The following DDX54 variants were observed in gnomAD, a reference collection of about 807,000 sequenced individuals.
The protein encoded by DDX54 is DEAD-box helicase 54.
In DDX54, 67 loss-of-function variants were observed where a neutral mutation model predicts 105.5. The observed-to-expected ratio is 0.64, with a 90% CI of 0.52 to 0.78. The LOEUF (loss-of-function observed/expected upper bound fraction) is 0.78. Among genes scored for constraint, DDX54 ranks in the 30% least tolerant of loss-of-function variants. The pLI, the probability that DDX54 is intolerant of heterozygous loss-of-function variation, is 0.00. For synonymous variants in DDX54, 514 were observed against 509.9 expected, an observed-to-expected ratio of 1.01 and a Z score of -0.11; for missense variants, 1,206 against 1,230.5, an observed-to-expected ratio of 0.98 and a Z score of 0.30.
At chr12:113,170,982 T>C (rs1453994314) in intron 11 of DDX54, among the ~76,000 whole-genome samples, 7 of 152,256 alleles carry the variant, frequency 4.6e-5, no homozygotes, top group African/African-American at 1.7e-4. Context: ...TATATTTTGG[T>C]TTGTCTCTGT....
intron 19 of DDX54, among the ~76,000 whole-genome samples, chr12:113,160,940 C>CA (rs1952196237): frequency 6.6e-6 from 1 of 152,182 alleles, no homozygotes; most frequent in African/African-American, 2.4e-5. Context: ...ATTAGGTGAA[C>CA]AGGGCATCTA....
chr12:113,160,306 T>C (rs989859352), intron 19 of DDX54, among the ~76,000 whole-genome samples: 1 of 151,958 alleles, frequency 6.6e-6, no homozygotes, highest in African/African-American at 2.4e-5. Flanking sequence ...GCTAAGGCCA[T>C]CTGAGAGAGA....
At chr12:113,177,323 G>T in intron 5 of DDX54, 1 of 533,408 alleles carries the variant, frequency 1.9e-6, no homozygotes, top group Non-Finnish European at 3.3e-6. Flanking sequence ...TGAAGAGATG[G>T]GCTCAACTAC....
chr12:113,181,183 G>T, intron 1 of DDX54, 125 bp from the exon 2 acceptor site: 2 of 1,227,052 alleles, frequency 1.6e-6, no homozygotes, highest in Non-Finnish European at 2.2e-6. Flanking sequence ...GCCAGATCAC[G>T]TCACTTTTTT....
chr12:113,172,670 A>G, intron 10 of DDX54, 107 bp from the exon 11 acceptor site: 1 of 1,382,400 alleles, frequency 7.2e-7, no homozygotes, highest in Non-Finnish European at 9.9e-7. Context: ...AGACAAGACC[A>G]CGGGTTCTGG....
intron 2 of DDX54, among the ~76,000 whole-genome samples, chr12:113,180,344 A>G (rs143423670): frequency 6.6e-6 from 1 of 152,048 alleles, no homozygotes; most frequent in Non-Finnish European, 1.5e-5. Context: ...GGACACAATG[A>G]GGATGTCTGG....
rs764081681 is a variant in DDX54, at chr12:113,172,358, C to T, written c.1274G>A (p.Arg425His). Residue 425 changes from arginine (R) to histidine (H), a missense_variant, in exon 11 of 20, where the codon CGC becomes CAC. Physicochemically the swap from Arg to His is conservative, Grantham distance 29. This residue lies in a region of DDX54 where 961 missense variants were observed against 1,019.1 expected (regional missense o/e 0.94). Coordinates refer to ENST00000306014, the MANE Select transcript of DDX54 (RefSeq NM_024072.4). ...GCCAGCCACGGGCTGCTTACCCACGCGGTGCAGGAAGAGTTTGCCCTTGGC... is the reference window on the plus strand; with the variant it reads ...GCCAGCCACGGGCTGCTTACCCACGTGGTGCAGGAAGAGTTTGCCCTTGGC... ...FPAKGKLFLH[R>H]VGRVARAGRS... 37 of 1,613,626 alleles carry T rather than the reference C, an allele frequency of 2.3e-5. No homozygotes were observed. In the Admixed American group the frequency reaches 3.2e-4, roughly 14 times the overall value.
At chr12:113,177,399 C>G (rs1952416695) in intron 5 of DDX54, 1 of 334,468 alleles carries the variant, frequency 3.0e-6, no homozygotes, top group Non-Finnish European at 5.5e-6. Flanking sequence ...CACAGTGCCC[C>G]CAGCAACTAA....
chr12:113,172,625 C>T lies in DDX54; in HGVS notation c.1069-62G>A. The T allele has an allele frequency of 2.5e-6, 4 of 1,580,790 alleles. No individual in the cohort carries two copies. In the South Asian group the frequency reaches 3.4e-5, roughly 13 times the overall value. ...GACTTGGAGGAGAAAGGAAAGGAAGCCAGACCATGGCGGGGGACGGGCACT... is the reference window on the plus strand; with the variant it reads ...GACTTGGAGGAGAAAGGAAAGGAAGTCAGACCATGGCGGGGGACGGGCACT... On this transcript the variant is annotated intron_variant, in intron 10 of 19. Transcript: ENST00000306014.
intron 9 of DDX54, 41 bp downstream of exon 9, chr12:113,174,834 C>T (rs199918206): frequency 1.7e-4 from 276 of 1,614,102 alleles, no homozygotes; most frequent in Non-Finnish European, 2.2e-4. Context: ...GCAGGGCCCA[C>T]CTGGACACAA....
chr12:113,174,664 C>CT lies in DDX54; in HGVS notation c.1043dup (p.His349AlafsTer8). The CT allele has an allele frequency of 1.9e-6, 3 of 1,611,054 alleles. No individual in the cohort carries two copies. Among genetic ancestry groups the CT allele is most frequent in the Non-Finnish European group, 2.5e-6 (3 of 1,177,422 alleles). ...CCTCAGTGAGGTACTCGGCGTGGTG[C>CT]TTCGTGGCCACAAACACCACGGTCT... is the stretch of plus-strand genomic sequence containing the variant. On this transcript the variant is annotated frameshift_variant, in exon 10 of 20. Coordinates refer to ENST00000306014, the MANE Select transcript of DDX54 (RefSeq NM_024072.4). LOFTEE classifies it high-confidence loss of function.
intron 17 of DDX54, 100 bp downstream of exon 17, chr12:113,162,832 G>A: frequency 8.6e-7 from 1 of 1,166,634 alleles, no homozygotes; most frequent in South Asian, 1.6e-5. Context: ...CGGGCATGGA[G>A]GGAGGGGCGG....
At position 113,165,676 on chromosome 12, in the gene DDX54, C is replaced by T; in HGVS notation, c.1687G>A (p.Val563Met). 1 of 1,613,486 alleles carries T rather than the reference C, an allele frequency of 6.2e-7. No homozygotes were observed. Among genetic ancestry groups the T allele is most frequent in the Non-Finnish European group, 8.5e-7 (1 of 1,179,728 alleles). Residue 563 changes from valine (V) to methionine (M), a missense_variant, in exon 14 of 20, where the codon GTG (valine) becomes ATG (methionine). Coordinates refer to ENST00000306014, the MANE Select transcript of DDX54 (RefSeq NM_024072.4). ...EEEELQRLRL[V>M]DSIKNYRSRA... ...GAGCGGTAGTTCTTTATGCTGTCCA[C>T]CAGCCTCAGCCGCTGCAGCTCCTCC...
rs139874858 is a variant in DDX54 at position 113,166,275 on chromosome 12, C to T, written c.1415-243G>A. Among the ~76,000 whole-genome samples, 615 of 152,338 alleles carry T rather than the reference C, an allele frequency of 4.0e-3. 5 individuals carry two copies. Among genetic ancestry groups the T allele is most frequent in the African/African-American group, 0.013 (550 of 41,570 alleles). ...CCTGCTGCTTCTGGAAATAGCTCTA[C>T]GGGAGCACAGCTCACTACTTGCTTA... On this transcript the variant is annotated intron_variant, in intron 12 of 19. Transcript: ENST00000306014.
rs774522718 is a variant in DDX54, at chr12:113,176,854, G to A, written c.738C>T (p.Phe246=). The change falls in exon 7 of 20, where the codon TTC becomes TTT. Residue 246 remains phenylalanine, a synonymous_variant. Transcript: ENST00000306014. ...TGCAGCCTTACCGGTCAGCTTCATC[G>A]AACACCACGTATTCCACACTCTGCA... is the stretch of plus-strand genomic sequence containing the variant. ...LKLQSVEYVV[F]DEADRLFEMG... is the part of the protein sequence containing the mutation. 43 of 1,614,000 alleles carry A rather than the reference G, an allele frequency of 2.7e-5. No homozygotes were observed. The highest frequency in any genetic ancestry group is 2.2e-4 in the East Asian group (10 of 44,892).
chr12:113,164,110 T>C lies in DDX54; in HGVS notation c.1895A>G (p.Gln632Arg). Reference sequence around the variant, plus strand: ...CTCCTCCTCCTCCTCCTTCTCAGGCTGCTTCTCCTGCAGTGCTGGGCGGCT... The same window carrying C: ...CTCCTCCTCCTCCTCCTTCTCAGGCCGCTTCTCCTGCAGTGCTGGGCGGCT... ...APSRPALQEK[Q>R]PEKEEEEEAG... Residue 632 changes from glutamine (Q) to arginine (R), a missense_variant, in exon 15 of 20, where the codon CAG becomes CGG. Coordinates refer to ENST00000306014, the MANE Select transcript of DDX54 (RefSeq NM_024072.4). 2 of 1,551,688 alleles carry C rather than the reference T, an allele frequency of 1.3e-6. No individual in the cohort carries two copies.
intron 12 of DDX54, 124 bp downstream of exon 12, chr12:113,169,646 A>T: frequency 1.6e-6 from 2 of 1,217,460 alleles, no homozygotes; most frequent in Non-Finnish European, 1.1e-6. Context: ...CAAATAAAAT[A>T]CAATAAAATA....
At chr12:113,181,805 GAC>G (rs1017373072) in intron 1 of DDX54, among the ~76,000 whole-genome samples, 7 of 151,712 alleles carry the variant, frequency 4.6e-5, no homozygotes, top group African/African-American at 1.7e-4. Context: ...ATCCAATCCA[GAC>G]ACCTCCTCTG....
At chr12:113,185,191 A>G (rs1335551507) in intron 1 of DDX54, 87 bp downstream of exon 1, 3 of 1,403,612 alleles carry the variant, frequency 2.1e-6, no homozygotes, top group Non-Finnish European at 2.8e-6. Context: ...GCGGAGCCCA[A>G]TCCCCAGCTG....
Sources: allele counts gnomAD v4.1 joint callset (sites outside exome capture counted in the v4.1 genomes callset), GRCh38; gene constraint gnomAD v4.1.1; regional missense constraint gnomAD v4.1.1; transcripts MANE v1.5; gene names NCBI Gene and HGNC (gene_info 2026-07-23, HGNC 2026-07-21).